TMPRSS15: variants seen among roughly 807,000 people sequenced by gnomAD.
The protein encoded by TMPRSS15 is transmembrane serine protease 15.
In TMPRSS15, 128 loss-of-function variants were observed where a neutral mutation model predicts 125.3. The ratio of observed to expected loss-of-function variants is 1.02; its 90% CI spans 0.89 to 1.18. The LOEUF (loss-of-function observed/expected upper bound fraction) is 1.18, where lower values mean the gene tolerates loss of function less well. Ranked by LOEUF, TMPRSS15 falls within the 50% of genes most tolerant of loss-of-function variation. The probability of loss-of-function intolerance (pLI) is 0.00; values close to 1 mark genes in which losing one functional copy is unlikely to be tolerated. For missense variants in TMPRSS15, 1,283 were observed against 1,212.7 expected (o/e 1.06, Z -0.86); for synonymous variants, 446 against 423.2 (o/e 1.05, Z -0.66).
chr21:18,341,448 G>A lies in TMPRSS15; in HGVS notation c.1529C>T (p.Pro510Leu), dbSNP rs202066879. Residue 510 changes from proline (P) to leucine (L), a missense_variant, in exon 13 of 25, where the codon CCA becomes CTA. Transcript: ENST00000284885. ...GICNGSLYPEPTLVPTPPPEL... is the reference protein window; with the variant it reads ...GICNGSLYPELTLVPTPPPEL... The stretch of plus-strand genomic sequence containing the variant: ...TGGTGGAGGAGTTGGCACCAAAGTT[G>A]GTTCTGGATAAAGACTCCCATTGCA... 2.3e-4 allele frequency: 372 copies of A among 1,614,116 alleles called. 7 individuals carry two copies. In the South Asian group the frequency reaches 3.8e-3, roughly 16 times the overall value.
chr21:18,453,973 T>A (rs1569072093), intron 1 of TMPRSS15, among the ~76,000 whole-genome samples: 4 of 152,208 alleles, frequency 2.6e-5, no homozygotes, highest in South Asian at 2.1e-4. Flanking sequence ...AAGCATATGA[T>A]ATTTGCCAGG....
At chr21:18,393,279 A>T (rs2076006122) in intron 3 of TMPRSS15, among the ~76,000 whole-genome samples, 1 of 152,208 alleles carries the variant, frequency 6.6e-6, no homozygotes, top group African/African-American at 2.4e-5. Flanking sequence ...AAGCAGGATC[A>T]GTGGATGAAA....
chr21:18,294,313 C>A lies in TMPRSS15; in HGVS notation c.2443G>T (p.Val815Phe), dbSNP rs202100185. Reference sequence around the variant, plus strand: ...GCGGACACCAGCCAGTCACTGCTGACGAGAGATGCGCCGCAGAGCAGTCGG... The same window carrying A: ...GCGGACACCAGCCAGTCACTGCTGAAGAGAGATGCGCCGCAGAGCAGTCGG... Reference protein sequence around the residue: ...GGRLLCGASLVSSDWLVSAAH... With the variant: ...GGRLLCGASLFSSDWLVSAAH... Residue 815 changes from valine to phenylalanine, a missense_variant, in exon 21 of 25, where the codon GTC (valine) becomes TTC (phenylalanine). Val to Phe is a conservative substitution (Grantham distance 50). Coordinates refer to ENST00000284885, the MANE Select transcript of TMPRSS15 (RefSeq NM_002772.3). 5 of 1,614,226 alleles carry A rather than the reference C, an allele frequency of 3.1e-6. No homozygotes were observed. The Middle Eastern group carries it at 6.6e-4, about 213-fold the overall frequency.
intron 18 of TMPRSS15, among the ~76,000 whole-genome samples, chr21:18,308,652 T>C (rs2075062648): frequency 6.6e-6 from 1 of 151,632 alleles, no homozygotes; most frequent in African/African-American, 2.4e-5. Context: ...GCAGTTTTGT[T>C]ACATAGGTAT....
At chr21:18,472,327 A>T (rs1978795673) in intron 1 of TMPRSS15, among the ~76,000 whole-genome samples, 1 of 151,894 alleles carries the variant, frequency 6.6e-6, no homozygotes, top group Non-Finnish European at 1.5e-5. Flanking sequence ...AAATTAAATA[A>T]ACGTATGTTC....
At chr21:18,273,053 G>C (rs1020248272) in intron 24 of TMPRSS15, among the ~76,000 whole-genome samples, 1 of 152,148 alleles carries the variant, frequency 6.6e-6, no homozygotes, top group African/African-American at 2.4e-5. Flanking sequence ...ATTTCTAGCA[G>C]GTTCTCAGGT....
In TMPRSS15 at chr21:18,467,243, G is replaced by A. The variant is rs149321377; in HGVS notation, c.10+18556C>T. Among the ~76,000 whole-genome samples, 320 of 152,018 alleles carry A rather than the reference G, an allele frequency of 2.1e-3. 2 individuals are homozygous for A. Among genetic ancestry groups the A allele is most frequent in the African/African-American group, 7.2e-3 (300 of 41,482 alleles). On this transcript the variant is annotated intron_variant, in intron 1 of 7. Coordinates refer to the TMPRSS15 transcript ENST00000422787. ...TTGGACATGGAGGGGAACATCACAC[G>A]CCAGGGCCTGTCGATGGGTAGGAGG...
At chr21:18,380,545 G>T (rs1275350377) in intron 4 of TMPRSS15, 4 of 470,680 alleles carry the variant, frequency 8.5e-6, no homozygotes, top group African/African-American at 6.0e-5. Context: ...CTGACCTGAA[G>T]TTGTTGCAGG....
At chr21:18,290,206 G>T (rs1378511929) in intron 21 of TMPRSS15, among the ~76,000 whole-genome samples, 1 of 152,116 alleles carries the variant, frequency 6.6e-6, no homozygotes, top group East Asian at 1.9e-4. Flanking sequence ...TATTGGAGTT[G>T]GAGTCATTGT....
At chr21:18,305,366 T>A (rs1349436419) in intron 18 of TMPRSS15, among the ~76,000 whole-genome samples, 1 of 151,900 alleles carries the variant, frequency 6.6e-6, no homozygotes, top group Non-Finnish European at 1.5e-5. Flanking sequence ...TTTTTTGTAT[T>A]TTTAGTAGAG....
intron 1 of TMPRSS15, among the ~76,000 whole-genome samples, chr21:18,414,023 C>A (rs949960873): frequency 6.6e-6 from 1 of 152,114 alleles, no homozygotes; most frequent in Non-Finnish European, 1.5e-5. Flanking sequence ...TAATGACATG[C>A]TTTTTCTTCC....
intron 1 of TMPRSS15, among the ~76,000 whole-genome samples, chr21:18,448,550 A>G (rs2076260553): frequency 1.3e-5 from 2 of 152,192 alleles, no homozygotes; most frequent in African/African-American, 2.4e-5. Context: ...TTGAAAAATC[A>G]GTAAATTTTA....
intron 24 of TMPRSS15, among the ~76,000 whole-genome samples, chr21:18,273,688 C>T (rs943824809): frequency 6.6e-6 from 1 of 152,172 alleles, no homozygotes; most frequent in Non-Finnish European, 1.5e-5. Context: ...GCTGATTTCC[C>T]TTCTGCGCAA....
Position 18,332,191 on chromosome 21 carries a change from G to A in TMPRSS15, c.1565-18C>T, listed in dbSNP as rs753666164. On this transcript the variant is annotated intron_variant, in intron 13 of 24. Transcript: ENST00000284885. ...ACAGTCCGCTGAAAAGGAAAGCAAT[G>A]GGAAATCATCAGTAATACAATGTTT... 8.8e-6 allele frequency: 14 copies of A among 1,595,372 alleles called. No individual in the cohort carries two copies. The highest frequency in any genetic ancestry group is 2.2e-5 in the East Asian group (1 of 44,790).
Position 18,365,157 on chromosome 21 carries a change from GACA to G in TMPRSS15, c.753_755del (p.Val252del). Reference sequence around the variant, plus strand: ...TGTATTACCGTATGATCCACTGGCAGACAACACTTGTTTCAGAAGGTTTTGGAT... The same window carrying G: ...TGTATTACCGTATGATCCACTGGCAGACACTTGTTTCAGAAGGTTTTGGAT... On this transcript the variant is annotated inframe_deletion, in exon 7 of 25. Transcript: ENST00000284885. The G allele has an allele frequency of 6.2e-7, 1 of 1,613,984 alleles. No individual in the cohort carries two copies.
At chr21:18,340,255 G>C (rs2075433519) in intron 13 of TMPRSS15, among the ~76,000 whole-genome samples, 1 of 152,186 alleles carries the variant, frequency 6.6e-6, no homozygotes, top group Admixed American at 6.5e-5. Context: ...GGAAGGATTA[G>C]ACTGGCTGAA....
chr21:18,414,935 G>A lies in TMPRSS15; in HGVS notation c.11-16606C>T, dbSNP rs556285493. On this transcript the variant is annotated intron_variant, in intron 1 of 7. Transcript: ENST00000422787. ...TATTTAAAAATTTTTAAGGACCTCC[G>A]TACTGTTTTCCATAGCTGTTGCATC... Among the ~76,000 whole-genome samples, 121 of 152,062 alleles carry A rather than the reference G, an allele frequency of 8.0e-4. No individual in the cohort carries two copies. The Middle Eastern group carries it at 0.01, about 13-fold the overall frequency.
intron 1 of TMPRSS15, among the ~76,000 whole-genome samples, chr21:18,480,750 A>G (rs1978967137): frequency 1.3e-5 from 2 of 151,940 alleles, no homozygotes; most frequent in Middle Eastern, 3.4e-3. Context: ...CTCAAAGGGA[A>G]TTTAAATTCA....
At chr21:18,406,073 T>C (rs1239621338), upstream of TMPRSS15, among the ~76,000 whole-genome samples, 4 of 152,148 alleles carry the variant, frequency 2.6e-5, no homozygotes, top group African/African-American at 4.8e-5. Context: ...TACATTTATT[T>C]TAAAGGCAGT....
Sources: gnomAD v4.1 joint callset for allele counts (sites outside exome capture counted in the v4.1 genomes callset) on GRCh38, gnomAD v4.1.1 for gene constraint, MANE v1.5 for transcripts, NCBI Gene and HGNC (gene_info 2026-07-23, HGNC 2026-07-21) for gene names.